TNIP1: variants seen among roughly 807,000 people sequenced by gnomAD.
TNIP1 encodes the protein TNFAIP3 interacting protein 1, also known as TNFAIP3-interacting protein 1.
A neutral mutation model predicts 86.6 loss-of-function variants in TNIP1; 22 were observed. The ratio of observed to expected loss-of-function variants is 0.25; its 90% CI spans 0.18 to 0.36. TNIP1 has a LOEUF of 0.36. Ranked by LOEUF, TNIP1 falls within the 10% of genes least tolerant of loss-of-function variation. The probability of loss-of-function intolerance (pLI) is 1.00; values close to 1 mark genes in which losing one functional copy is unlikely to be tolerated. For missense variants in TNIP1, 709 were observed against 820.6 expected (o/e 0.86, Z 1.66); for synonymous variants, 294 against 313.0 (o/e 0.94, Z 0.64).
At chr5:151,049,663 T>C (rs1016550028) in intron 8 of TNIP1, among the ~76,000 whole-genome samples, 161 bp downstream of exon 8, 5 of 152,064 alleles carry the variant, frequency 3.3e-5, no homozygotes, top group African/African-American at 7.3e-5. Flanking sequence ...CCTCTAAGCA[T>C]GGAGGTCAGG....
chr5:151,036,744 G>A (rs775201826), intron 13 of TNIP1, 46 bp downstream of exon 13: 4 of 1,613,006 alleles, frequency 2.5e-6, no homozygotes, highest in Non-Finnish European at 3.4e-6. Flanking sequence ...GAAAGCTCCA[G>A]CTCCCACAGA....
At chr5:151,064,040 C>T (rs1761930951) in intron 2 of TNIP1, among the ~76,000 whole-genome samples, 1 of 152,212 alleles carries the variant, frequency 6.6e-6, no homozygotes, top group Non-Finnish European at 1.5e-5. Context: ...TGCCCCACTC[C>T]CTTCACACCC....
intron 11 of TNIP1, among the ~76,000 whole-genome samples, chr5:151,041,098 T>G (rs1758362481): frequency 1.4e-5 from 2 of 146,594 alleles, no homozygotes; most frequent in South Asian, 4.3e-4. Flanking sequence ...TGAGACAGGG[T>G]CTCATTCTGT....
At chr5:151,086,335 C>T (rs1764275705) in intron 1 of TNIP1, among the ~76,000 whole-genome samples, 2 of 152,192 alleles carry the variant, frequency 1.3e-5, no homozygotes, top group East Asian at 1.9e-4. Context: ...TCTGCCTGCC[C>T]TTGGCCCACT....
At chr5:151,065,191 G>C (rs1206336491) in intron 1 of TNIP1, 60 bp from the exon 2 acceptor site, 2 of 1,455,230 alleles carry the variant, frequency 1.4e-6, no homozygotes, top group Admixed American at 4.0e-5. Flanking sequence ...ATCCTTTGCA[G>C]AGAAGCTCTA....
intron 1 of TNIP1, among the ~76,000 whole-genome samples, chr5:151,075,499 C>G (rs1034024297): frequency 6.6e-6 from 1 of 152,212 alleles, no homozygotes; most frequent in Non-Finnish European, 1.5e-5. Context: ...CCTCCCTCCC[C>G]ACTCTAGCAG....
At chr5:151,058,200 C>T (rs1032746150) in intron 5 of TNIP1, among the ~76,000 whole-genome samples, 3 of 152,206 alleles carry the variant, frequency 2.0e-5, no homozygotes, top group African/African-American at 4.8e-5. Flanking sequence ...AGATTACAGG[C>T]GTAAGCCACC....
chr5:151,085,274 G>A (rs1447005295), upstream of TNIP1, among the ~76,000 whole-genome samples: 1 of 152,188 alleles, frequency 6.6e-6, no homozygotes, highest in East Asian at 1.9e-4. Flanking sequence ...CAATTCAGAG[G>A]GTGGTGACAA....
chr5:151,071,923 G>A (rs756640638), intron 1 of TNIP1, among the ~76,000 whole-genome samples: 11 of 152,224 alleles, frequency 7.2e-5, no homozygotes, highest in Non-Finnish European at 1.0e-4. Context: ...TGGAGAGAGG[G>A]TGACAGTTCG....
upstream of TNIP1, chr5:151,081,215 C>T (rs1763998731): frequency 6.6e-6 from 1 of 152,192 alleles, no homozygotes; most frequent in South Asian, 2.1e-4. Context: ...CCTTCGGCGG[C>T]CTTCCCCTCT....
intron 2 of TNIP1, among the ~76,000 whole-genome samples, chr5:151,063,967 C>A (rs1227593065): frequency 3.9e-5 from 6 of 152,152 alleles, no homozygotes; most frequent in African/African-American, 1.4e-4. Context: ...AATCGGGGGA[C>A]ACAGGAGCGG....
At chr5:151,080,286 G>C (rs951680271) in intron 1 of TNIP1, 2 of 152,230 alleles carry the variant, frequency 1.3e-5, no homozygotes, top group African/African-American at 4.8e-5. Context: ...GAACTCTGGA[G>C]CCAAATGCCT....
chr5:151,085,556 A>C (rs1365073880), upstream of TNIP1, among the ~76,000 whole-genome samples: 1 of 151,962 alleles, frequency 6.6e-6, no homozygotes, highest in Non-Finnish European at 1.5e-5. Context: ...GTTACACTTC[A>C]GTTTCTAGGG....
At chr5:151,061,635 T>C (rs886450513) in intron 4 of TNIP1, among the ~76,000 whole-genome samples, 1 of 152,094 alleles carries the variant, frequency 6.6e-6, no homozygotes, top group Admixed American at 6.6e-5. Flanking sequence ...ACATACACCA[T>C]CACACCTGAC....
intron 1 of TNIP1, among the ~76,000 whole-genome samples, chr5:151,068,815 A>G (rs1862364): frequency 0.28 from 42,914 of 152,124 alleles, 9,998 homozygotes; most frequent in African/African-American, 0.65. Context: ...ACATCTTCTC[A>G]GAGTCTCTTT....
intron 2 of TNIP1, 115 bp downstream of exon 2, chr5:151,064,843 CAG>C: frequency 6.9e-7 from 1 of 1,456,400 alleles, no homozygotes; most frequent in South Asian, 1.2e-5. Flanking sequence ...CCAGGAGGGA[CAG>C]GGGATGACTT....
chr5:151,076,189 G>T (rs955757283), intron 1 of TNIP1, among the ~76,000 whole-genome samples: 1 of 152,218 alleles, frequency 6.6e-6, no homozygotes, highest in Non-Finnish European at 1.5e-5. Flanking sequence ...CATGGTGGCC[G>T]CCAAGGTCTT....
intron 1 of TNIP1, among the ~76,000 whole-genome samples, chr5:151,067,984 G>A (rs901456255): frequency 2.6e-5 from 4 of 152,136 alleles, no homozygotes; most frequent in African/African-American, 7.2e-5. Flanking sequence ...TCCAAAACAC[G>A]CAACACTCAG....
intron 9 of TNIP1, among the ~76,000 whole-genome samples, chr5:151,044,354 TA>T (rs1215011512): frequency 6.6e-6 from 1 of 151,976 alleles, no homozygotes; most frequent in African/African-American, 2.4e-5. Flanking sequence ...GTTAATTTTT[TA>T]AAAAAGAAAA....
Sources: gnomAD v4.1 joint callset for allele counts (sites outside exome capture counted in the v4.1 genomes callset) on GRCh38, gnomAD v4.1.1 for gene constraint, MANE v1.5 for transcripts, NCBI Gene and HGNC (gene_info 2026-07-23, HGNC 2026-07-21) for gene names.